The following TECTB variants were observed in gnomAD, a reference collection of about 807,000 sequenced individuals.
TECTB encodes the protein beta-tectorin.
TECTB carries 45 observed loss-of-function variants against 43.3 expected under a neutral mutation model. The ratio of observed to expected loss-of-function variants is 1.04; its 90% confidence interval spans 0.82 to 1.33. The LOEUF is 1.33. Ranked by LOEUF, TECTB falls within the 40% of genes most tolerant of loss-of-function variation. The probability of loss-of-function intolerance (pLI) is 0.00; values close to 1 mark genes in which losing one functional copy is unlikely to be tolerated. For missense variants in TECTB, 399 were observed against 404.7 expected, an observed-to-expected ratio of 0.99 and a Z score of 0.12; for synonymous variants, 169 against 156.7, an observed-to-expected ratio of 1.08 and a Z score of -0.59.
chr10:112,294,122 T>C (rs1261629292), intron 7 of TECTB, 61 bp downstream of exon 7: 19 of 1,512,430 alleles, frequency 1.3e-5, no homozygotes, highest in Non-Finnish European at 1.5e-5. Context: ...CGGGCTACTT[T>C]GCTCTGGCTT....
At chr10:112,283,848 G>C in intron 2 of TECTB, 38 bp downstream of exon 2, 1 of 1,594,094 alleles carries the variant, frequency 6.3e-7, no homozygotes, top group Non-Finnish European at 8.6e-7. Context: ...GGGACGAAAA[G>C]TTTCCTGAAG....
intron 5 of TECTB, among the ~76,000 whole-genome samples, chr10:112,288,330 ATTTTCTT>A (rs1281897955): frequency 6.6e-6 from 1 of 151,888 alleles, no homozygotes; most frequent in Non-Finnish European, 1.5e-5. Flanking sequence ...GAATGAGCTT[ATTTTCTT>A]AAAAAAAAAT....
At chr10:112,292,055 G>A (rs1848503777) in intron 5 of TECTB, among the ~76,000 whole-genome samples, 1 of 151,086 alleles carries the variant, frequency 6.6e-6, no homozygotes, top group African/African-American at 2.4e-5. Flanking sequence ...AGAATGGCGT[G>A]AACCCGGGAG....
chr10:112,301,733 T>TTTTA lies in TECTB; in HGVS notation c.908-354_908-351dup, dbSNP rs59706009. Among the ~76,000 whole-genome samples the TTTTA allele has an allele frequency of 3.9e-5, 6 of 152,158 alleles. 1 individual carries two copies. The South Asian group carries it at 1.2e-3, about 32-fold the overall frequency. ...GGGAGGATTGTGGTCAGGTTTTGTG[T>TTTTA]TTTATTTATTTATTTATATTTATTT... On this transcript the variant is annotated intron_variant, in intron 9 of 10. Coordinates refer to ENST00000646139, the MANE Select transcript of TECTB (RefSeq NM_058222.3).
At chr10:112,286,868 G>A (rs1848459145) in intron 5 of TECTB, among the ~76,000 whole-genome samples, 1 of 152,160 alleles carries the variant, frequency 6.6e-6, no homozygotes, top group South Asian at 2.1e-4. Flanking sequence ...GTTGCAGTGA[G>A]CCAAGATCAC....
intron 8 of TECTB, among the ~76,000 whole-genome samples, chr10:112,298,453 TA>T (rs2133356352): frequency 6.6e-6 from 1 of 152,344 alleles, no homozygotes; most frequent in Non-Finnish European, 1.5e-5. Context: ...ATGTGTCGCC[TA>T]ACCTGCTGGG....
chr10:112,300,052 C>T (rs1009804726), intron 9 of TECTB, among the ~76,000 whole-genome samples: 1 of 150,940 alleles, frequency 6.6e-6, no homozygotes, highest in Non-Finnish European at 1.5e-5. Flanking sequence ...ATCCCAACTA[C>T]TCGGGAGGCT....
intron 5 of TECTB, among the ~76,000 whole-genome samples, chr10:112,293,201 A>G (rs1848514597): frequency 6.6e-6 from 1 of 152,236 alleles, no homozygotes; most frequent in Non-Finnish European, 1.5e-5. Context: ...CAAAATCCTG[A>G]CAGAGTCCAT....
chr10:112,283,908 G>A (rs1035918382), intron 2 of TECTB, 98 bp downstream of exon 2: 1 of 1,295,980 alleles, frequency 7.7e-7, no homozygotes, highest in Non-Finnish European at 1.1e-6. Context: ...TTATAAAAAT[G>A]TAATGATGTA....
intron 5 of TECTB, among the ~76,000 whole-genome samples, chr10:112,288,932 C>T (rs1848476440): frequency 6.6e-6 from 1 of 152,188 alleles, no homozygotes; most frequent in Non-Finnish European, 1.5e-5. Context: ...TACCCTAGTG[C>T]TGTGGTTAAG....
chr10:112,284,983 A>T (rs188822216), intron 3 of TECTB, among the ~76,000 whole-genome samples: 1 of 152,348 alleles, frequency 6.6e-6, no homozygotes. Flanking sequence ...TAGTAGAACA[A>T]AGTACATTTC....
Position 112,303,383 on chromosome 10 carries a change from C to G in TECTB, c.*71C>G. On this transcript the variant is annotated 3_prime_UTR_variant, in exon 11 of 11. Coordinates refer to ENST00000646139, the MANE Select transcript of TECTB (RefSeq NM_058222.3). ...GCGAATGACAAACACATTTATTGTG[C>G]TGCCAAAAAGAACAAACAGAAGACC... is the stretch of plus-strand genomic sequence containing the variant. 1 of 1,584,888 alleles carries G rather than the reference C, an allele frequency of 6.3e-7. No homozygotes were observed. Among genetic ancestry groups the G allele is most frequent in the Non-Finnish European group, 8.7e-7 (1 of 1,154,072 alleles).
rs775853252 is a variant in TECTB, at chr10:112,303,310, T to C, written c.988T>C (p.Ter330GlnextTer13). Residue 330 changes from the stop codon to glutamine (Q), a stop_lost, in exon 11 of 11, where the codon TAG (stop) becomes CAG (glutamine). Coordinates refer to ENST00000646139, the MANE Select transcript of TECTB (RefSeq NM_058222.3). ...GATGTTGGGGATTTGTGCCGTGTTATAGGAGTTAGCCAGGCAGCTGCCGCT... is the reference window on the plus strand; with the variant it reads ...GATGTTGGGGATTTGTGCCGTGTTACAGGAGTTAGCCAGGCAGCTGCCGCT... ...IMMLGICAVL[*>Q] 12 of 1,614,212 alleles carry C rather than the reference T, an allele frequency of 7.4e-6. No individual in the cohort carries two copies. Among genetic ancestry groups the C allele is most frequent in the African/African-American group, 2.7e-5 (2 of 75,056 alleles).
intron 5 of TECTB, 78 bp downstream of exon 5, chr10:112,286,469 C>T: frequency 6.9e-7 from 1 of 1,453,466 alleles, no homozygotes; most frequent in East Asian, 2.3e-5. Flanking sequence ...CCTCGGGATT[C>T]AGTCTTCCCC....
intron 7 of TECTB, among the ~76,000 whole-genome samples, chr10:112,296,183 T>C (rs1010312456): frequency 6.6e-6 from 1 of 152,110 alleles, no homozygotes; most frequent in African/African-American, 2.4e-5. Flanking sequence ...AAACCCAGTT[T>C]GCAAAAGTTC....
chr10:112,300,279 A>AAAGAAAGAAAGAAAGAAAAGAAAG (rs1361291056), intron 9 of TECTB, among the ~76,000 whole-genome samples: 20 of 48,360 alleles, frequency 4.1e-4, no homozygotes, highest in South Asian at 8.3e-4. Context: ...AGAAAGAAAG[A>AAAGAAAGAAAGAAAGAAAAGAAAG]AAAGAAAGAA....
chr10:112,290,395 A>G (rs908905337), intron 5 of TECTB, among the ~76,000 whole-genome samples: 3 of 152,226 alleles, frequency 2.0e-5, no homozygotes, highest in Non-Finnish European at 1.5e-5. Flanking sequence ...AAAGTAGGGG[A>G]AAAATTATTC....
At chr10:112,287,620 T>A (rs1848465352) in intron 5 of TECTB, among the ~76,000 whole-genome samples, 1 of 152,184 alleles carries the variant, frequency 6.6e-6, no homozygotes, top group South Asian at 2.1e-4. Context: ...CCTGCTGAAC[T>A]CAGAAGGCGA....
In TECTB at chr10:112,298,204, C is replaced by T. The variant is rs746630866; in HGVS notation, c.807C>T (p.Cys269=). 5.6e-6 allele frequency: 9 copies of T among 1,614,104 alleles called. No individual in the cohort carries two copies. Among genetic ancestry groups the T allele is most frequent in the South Asian group, 5.5e-5 (5 of 91,054 alleles). The change falls in exon 8 of 11, where the codon TGC becomes TGT. Residue 269 remains cysteine (C), a synonymous_variant. Transcript: ENST00000646139. ...GGTTACACTGTGAGACGTTCATCTG[C>T]GACAGTGAGAAACTCTCCTGCCCAG... The part of the protein sequence containing the change: ...KVWLHCETFI[C]DSEKLSCPVT...
Sources: gnomAD v4.1 joint callset for allele counts (sites outside exome capture counted in the v4.1 genomes callset) on GRCh38, gnomAD v4.1.1 for gene constraint, MANE v1.5 for transcripts, NCBI Gene and HGNC (gene_info 2026-07-23, HGNC 2026-07-21) for gene names.